PKD2L2: variants seen among roughly 807,000 people sequenced by gnomAD.
PKD2L2 encodes polycystin-2-like protein 2.
A neutral mutation model predicts 83.9 loss-of-function variants in PKD2L2; 67 were observed. The observed-to-expected ratio is 0.80, with a 90% CI of 0.66 to 0.98. The LOEUF (loss-of-function observed/expected upper bound fraction) is 0.98. Ranked by LOEUF, PKD2L2 falls within the 50% of genes least tolerant of loss-of-function variation. The pLI is 0.00. For missense variants in PKD2L2, 632 were observed against 717.2 expected (o/e 0.88, Z 1.36); for synonymous variants, 223 against 237.8 (o/e 0.94, Z 0.57).
chr5:137,942,473 G>C lies in PKD2L2; in HGVS notation c.*107G>C. Reference sequence around the variant, plus strand: ...AAACAGAGAATCAAGTGATCCTCTTGCCTCAGCCTCCCAAGTATCTGGGAC... The same window carrying C: ...AAACAGAGAATCAAGTGATCCTCTTCCCTCAGCCTCCCAAGTATCTGGGAC... On this transcript the variant is annotated 3_prime_UTR_variant, in exon 15 of 15. Coordinates refer to ENST00000508883, the MANE Select transcript of PKD2L2 (RefSeq NM_001300921.2). The C allele has an allele frequency of 4.8e-6, 1 of 207,594 alleles. No individual in the cohort carries two copies. The highest frequency in any genetic ancestry group is 1.0e-4 in the South Asian group (1 of 9,626). 12.9% of individuals were successfully genotyped at this position (207,594 alleles called of 1,614,324 possible).
At chr5:137,920,617 C>T (rs1327955580) in intron 8 of PKD2L2, among the ~76,000 whole-genome samples, 3 of 151,916 alleles carry the variant, frequency 2.0e-5, no homozygotes, top group Non-Finnish European at 2.9e-5. Flanking sequence ...ATTAGCTGGG[C>T]GTGGTGGCAC....
Position 137,899,586 on chromosome 5 carries a change from G to A in PKD2L2, c.595G>A (p.Gly199Arg). 6.2e-7 allele frequency: 1 copy of A among 1,613,728 alleles called. No individual in the cohort carries two copies. Among genetic ancestry groups the A allele is most frequent in the Non-Finnish European group, 8.5e-7 (1 of 1,179,710 alleles). ...ATTTCTTGGTGTTTACCGAAATGGG[G>A]GATACATTTTCACTTTATCAAAATC... is the stretch of plus-strand genomic sequence containing the variant. ...WGFLGVYRNG[G>R]YIFTLSKSKS... Residue 199 changes from glycine (G) to arginine (R), a missense_variant, in exon 5 of 15, where the codon GGA becomes AGA. By Grantham distance (125) the Gly-to-Arg change is moderately radical. Transcript: ENST00000508883.
In PKD2L2 at chr5:137,910,273, T is replaced by A. The variant is rs13163032; in HGVS notation, c.1328+1327T>A. 5.4e-3 allele frequency among the ~76,000 whole-genome samples: 759 copies of A among 139,972 alleles called. 3 individuals are homozygous for A. Among genetic ancestry groups the A allele is most frequent in the Non-Finnish European group, 8.8e-3 (560 of 63,426 alleles). The allele number at this position is 139,972 out of a possible 152,430, so 91.8% of individuals were successfully genotyped here. A position where few individuals can be genotyped will look rare whatever the true frequency, so the allele number is the denominator to read the frequency against. On this transcript the variant is annotated intron_variant, in intron 8 of 14. Transcript: ENST00000508883. ...ATAATAATAATAATAATAATAATAA[T>A]AAAACTTGGTAATAATTGGCATTGA...
At chr5:137,929,774 A>G (rs977393496) in intron 12 of PKD2L2, among the ~76,000 whole-genome samples, 2 of 152,126 alleles carry the variant, frequency 1.3e-5, no homozygotes, top group African/African-American at 4.8e-5. Flanking sequence ...GACAGATGAC[A>G]TTTGAATCAC....
chr5:137,896,854 T>C (rs1473494040), intron 4 of PKD2L2, among the ~76,000 whole-genome samples: 1 of 151,620 alleles, frequency 6.6e-6, no homozygotes, highest in Non-Finnish European at 1.5e-5. Context: ...GTTTATATTA[T>C]AAATATGAAT....
rs1758789768 is a variant in PKD2L2, at chr5:137,920,464, GAGGGTAA to G, written c.1329-1170_1329-1164del. On this transcript the variant is annotated intron_variant, in intron 8 of 14. Transcript: ENST00000508883. Reference sequence around the variant, plus strand: ...TTTCATATCAAACCAGGCTATCAAAGAGGGTAAAATAGGGCCGGGCACAGTGGCTCAT... The same window carrying G: ...TTTCATATCAAACCAGGCTATCAAAGAATAGGGCCGGGCACAGTGGCTCAT... Among the ~76,000 whole-genome samples the G allele has an allele frequency of 4.6e-5, 7 of 152,022 alleles. No homozygotes were observed. In the South Asian group the frequency reaches 1.5e-3, roughly 32 times the overall value.
intron 12 of PKD2L2, among the ~76,000 whole-genome samples, chr5:137,929,657 T>C (rs199635913): frequency 6.6e-6 from 1 of 151,426 alleles, no homozygotes; most frequent in East Asian, 1.9e-4. Flanking sequence ...CTTAATTTAC[T>C]TAAAAAGAAA....
At chr5:137,926,378 T>C (rs1358294575) in intron 12 of PKD2L2, among the ~76,000 whole-genome samples, 1 of 148,128 alleles carries the variant, frequency 6.8e-6, no homozygotes, top group Non-Finnish European at 1.5e-5. Flanking sequence ...AAAAAAAAAG[T>C]GAACCATTGC....
chr5:137,895,444 C>T (rs2150002564), intron 4 of PKD2L2, among the ~76,000 whole-genome samples: 1 of 148,468 alleles, frequency 6.7e-6, no homozygotes, highest in East Asian at 2.0e-4. Flanking sequence ...TGCACTCCAG[C>T]CTGGGCGACA....
At chr5:137,941,511 T>C (rs1377533551) in intron 14 of PKD2L2, among the ~76,000 whole-genome samples, 1 of 152,170 alleles carries the variant, frequency 6.6e-6, no homozygotes, top group East Asian at 1.9e-4. Context: ...CCTGGCACAC[T>C]GTTAGACACC....
intron 5 of PKD2L2, among the ~76,000 whole-genome samples, chr5:137,904,604 G>T (rs1757219780): frequency 6.6e-6 from 1 of 152,018 alleles, no homozygotes; most frequent in Non-Finnish European, 1.5e-5. Context: ...ACAGACACTG[G>T]GGCCTACTTG....
chr5:137,937,371 G>A (rs1237591915), intron 14 of PKD2L2, among the ~76,000 whole-genome samples: 5 of 152,190 alleles, frequency 3.3e-5, no homozygotes, highest in Admixed American at 1.3e-4. Context: ...CAGGGTAGGC[G>A]TATCACTGTC....
chr5:137,907,296 G>A (rs975890754), intron 6 of PKD2L2, among the ~76,000 whole-genome samples: 3 of 152,180 alleles, frequency 2.0e-5, no homozygotes, highest in Non-Finnish European at 4.4e-5. Context: ...AACTCTGATA[G>A]CTAAAACAAC....
intron 4 of PKD2L2, among the ~76,000 whole-genome samples, chr5:137,896,444 T>G (rs1756477454): frequency 6.6e-6 from 1 of 152,170 alleles, no homozygotes; most frequent in South Asian, 2.1e-4. Flanking sequence ...AGGATCTCAC[T>G]CTCTTGCTCA....
At chr5:137,936,109 TAAATA>T (rs1195591161) in intron 13 of PKD2L2, among the ~76,000 whole-genome samples, 200 bp downstream of exon 13, 7 of 152,236 alleles carry the variant, frequency 4.6e-5, no homozygotes, top group Non-Finnish European at 1.0e-4. Context: ...CTGTTATCTC[TAAATA>T]ACAGAAACTG....
chr5:137,921,825 T>TA, intron 9 of PKD2L2, 69 bp downstream of exon 9: 1 of 1,158,206 alleles, frequency 8.6e-7, no homozygotes, highest in South Asian at 1.4e-5. Flanking sequence ...TCATTTAGAA[T>TA]AAACTATTAT....
Position 137,890,480 on chromosome 5 carries a change from G to A in PKD2L2, c.32-1G>A. ...GAAAAATTTTGTCTTATATCTCACAGGGGCTTCGAAACATAAGTTGCATTA... is the reference window on the plus strand; with the variant it reads ...GAAAAATTTTGTCTTATATCTCACAAGGGCTTCGAAACATAAGTTGCATTA... On this transcript the variant is annotated splice_acceptor_variant, in intron 1 of 14. Coordinates refer to ENST00000508883, the MANE Select transcript of PKD2L2 (RefSeq NM_001300921.2). LOFTEE classifies it high-confidence loss of function. 6.4e-7 allele frequency: 1 copy of A among 1,551,112 alleles called. No homozygotes were observed. The highest frequency in any genetic ancestry group is 2.3e-5 in the East Asian group (1 of 43,934).
chr5:137,914,895 ATCCT>A (rs1758185476), intron 8 of PKD2L2, among the ~76,000 whole-genome samples: 1 of 152,154 alleles, frequency 6.6e-6, no homozygotes, highest in African/African-American at 2.4e-5. Context: ...TATGGTTTTT[ATCCT>A]TCATTTTTTA....
intron 8 of PKD2L2, 122 bp from the exon 9 acceptor site, chr5:137,921,513 AT>A: frequency 1.6e-6 from 1 of 644,842 alleles, no homozygotes; most frequent in East Asian, 2.7e-5. Context: ...TACTAACATA[AT>A]TAAAGTCAGA....
Sources: allele counts gnomAD v4.1 joint callset (sites outside exome capture counted in the v4.1 genomes callset), GRCh38; gene constraint gnomAD v4.1.1; transcripts MANE v1.5; gene names NCBI Gene and HGNC (gene_info 2026-07-23, HGNC 2026-07-21).